The following EYA2 variants were observed in gnomAD, a reference collection of about 807,000 sequenced individuals.
EYA2 encodes protein phosphatase EYA2.
A neutral mutation model predicts 69.2 loss-of-function variants in EYA2; 31 were observed. The ratio of observed to expected loss-of-function variants is 0.45; its 90% CI spans 0.34 to 0.60. The LOEUF is 0.60. Among genes scored for constraint, EYA2 ranks in the 20% least tolerant of loss-of-function variants. EYA2 has a pLI of 0.02. For synonymous variants in EYA2, 257 were observed against 279.4 expected, an observed-to-expected ratio of 0.92 and a Z score of 0.80; for missense variants, 622 against 701.2, an observed-to-expected ratio of 0.89 and a Z score of 1.28.
chr20:47,041,884 A>G (rs1985091517), intron 5 of EYA2, among the ~76,000 whole-genome samples: 2 of 152,076 alleles, frequency 1.3e-5, no homozygotes, highest in African/African-American at 2.4e-5. Flanking sequence ...AAGTAAATTC[A>G]TTTTAAAAGC....
rs200532247 is a variant in EYA2 at position 47,172,789 on chromosome 20, G to A, written c.1120G>A (p.Val374Met). The A allele has an allele frequency of 1.4e-4, 232 of 1,614,046 alleles. No homozygotes were observed. Among genetic ancestry groups the A allele is most frequent in the Non-Finnish European group, 1.8e-4 (217 of 1,180,028 alleles). The change falls in exon 12 of 16, where the codon GTG becomes ATG. Residue 374 changes from valine to methionine, a missense_variant. Physicochemically the swap from Val to Met is conservative, Grantham distance 21 (BLOSUM62 1). Coordinates refer to ENST00000327619, the MANE Select transcript of EYA2 (RefSeq NM_005244.5). The stretch of plus-strand genomic sequence containing the variant: ...CCTGGGCTCTGGCGTGCACGGCGGC[G>A]TGGACTGGATGAGGAAGCTGGCCTT... ...LCLGSGVHGG[V>M]DWMRKLAFRY...
At chr20:47,029,968 A>T (rs891894784) in intron 5 of EYA2, among the ~76,000 whole-genome samples, 6 of 152,206 alleles carry the variant, frequency 3.9e-5, no homozygotes, top group Non-Finnish European at 8.8e-5. Context: ...TAAATATTTT[A>T]GATTTTGAGG....
chr20:46,908,903 T>C (rs1011444743), intron 1 of EYA2, among the ~76,000 whole-genome samples: 2 of 120,048 alleles, frequency 1.7e-5, no homozygotes, highest in Non-Finnish European at 1.7e-5. Flanking sequence ...TTTTTTTTTT[T>C]TTTTACCAAT....
chr20:46,991,283 G>C (rs544413743), intron 2 of EYA2, among the ~76,000 whole-genome samples: 4 of 152,328 alleles, frequency 2.6e-5, no homozygotes, highest in African/African-American at 9.6e-5. Flanking sequence ...AGGCTGCTCA[G>C]GGGGGAATCC....
chr20:46,961,258 G>A (rs1418474886), intron 1 of EYA2, among the ~76,000 whole-genome samples: 4 of 152,078 alleles, frequency 2.6e-5, no homozygotes, highest in African/African-American at 9.7e-5. Flanking sequence ...CCCAGGAGAC[G>A]GAGGTTACAG....
chr20:47,016,768 T>A (rs900362854), intron 5 of EYA2, among the ~76,000 whole-genome samples: 2 of 152,134 alleles, frequency 1.3e-5, no homozygotes, highest in Non-Finnish European at 2.9e-5. Flanking sequence ...TCTGGATGTA[T>A]TGGAGGCACA....
At chr20:47,036,791 C>T (rs1207101450) in intron 5 of EYA2, among the ~76,000 whole-genome samples, 1 of 152,142 alleles carries the variant, frequency 6.6e-6, no homozygotes, top group Non-Finnish European at 1.5e-5. Flanking sequence ...TACAGGGGTT[C>T]AGAATGTGGC....
intron 2 of EYA2, chr20:46,997,503 A>C (rs1392530360): frequency 6.6e-6 from 1 of 152,196 alleles, no homozygotes; most frequent in Non-Finnish European, 1.5e-5. Context: ...TACCCTCCCT[A>C]CTTGGCAGCC....
chr20:47,108,697 A>T (rs1259970577), intron 9 of EYA2, among the ~76,000 whole-genome samples: 1 of 151,878 alleles, frequency 6.6e-6, no homozygotes, highest in Non-Finnish European at 1.5e-5. Flanking sequence ...TCAGCCTCCC[A>T]AGTAGCTGAG....
chr20:47,087,274 T>C (rs2031926594), intron 7 of EYA2, among the ~76,000 whole-genome samples: 2 of 152,242 alleles, frequency 1.3e-5, no homozygotes, highest in African/African-American at 2.4e-5. Flanking sequence ...CAAGTCTTTT[T>C]AGACAAAGGA....
intron 1 of EYA2, among the ~76,000 whole-genome samples, chr20:46,985,556 G>C (rs1981126531): frequency 6.6e-6 from 1 of 152,206 alleles, no homozygotes; most frequent in Non-Finnish European, 1.5e-5. Flanking sequence ...TCTTTCCTTA[G>C]CAGGCTTTTC....
chr20:47,137,010 C>A (rs977645037), intron 9 of EYA2, among the ~76,000 whole-genome samples: 2 of 152,124 alleles, frequency 1.3e-5, no homozygotes, highest in Non-Finnish European at 2.9e-5. Context: ...GTTCTCTAGT[C>A]AAACAAAGAT....
chr20:47,164,721 G>A (rs1160651655), intron 10 of EYA2, among the ~76,000 whole-genome samples: 8 of 152,108 alleles, frequency 5.3e-5, no homozygotes, highest in Non-Finnish European at 1.2e-4. Context: ...TAGAGATGGT[G>A]GGAAACTGTA....
intron 10 of EYA2, among the ~76,000 whole-genome samples, chr20:47,162,162 T>C (rs942172442): frequency 6.6e-6 from 1 of 152,142 alleles, no homozygotes; most frequent in African/African-American, 2.4e-5. Context: ...ATACCCCCTT[T>C]ATAAGGACAC....
chr20:47,172,824 G>A lies in EYA2; in HGVS notation c.1155G>A (p.Arg385=), dbSNP rs1451932498. 6.2e-7 allele frequency: 1 copy of A among 1,614,036 alleles called. No homozygotes were observed. The highest frequency in any genetic ancestry group is 1.3e-5 in the African/African-American group (1 of 75,068). ...DWMRKLAFRY[R]RVKEMYNTYK... ...TGAGGAAGCTGGCCTTCCGCTACCG[G>A]CGGGTGAAGGAGATGTACAATACCT... The change falls in exon 12 of 16, where the codon CGG becomes CGA. Residue 385 remains arginine (R), a synonymous_variant. Coordinates refer to ENST00000327619, the MANE Select transcript of EYA2 (RefSeq NM_005244.5).
intron 1 of EYA2, among the ~76,000 whole-genome samples, chr20:46,898,681 G>A (rs760221877): frequency 7.9e-5 from 12 of 152,170 alleles, no homozygotes; most frequent in African/African-American, 1.4e-4. Context: ...GTCGGAGGAG[G>A]ATAAACACCC....
intron 1 of EYA2, among the ~76,000 whole-genome samples, chr20:46,905,063 C>A (rs1239236403): frequency 1.3e-5 from 2 of 151,944 alleles, no homozygotes; most frequent in Non-Finnish European, 2.9e-5. Context: ...TACAGGTATG[C>A]CTCTGAGAGT....
intron 9 of EYA2, among the ~76,000 whole-genome samples, chr20:47,139,938 G>A (rs1451286786): frequency 6.6e-6 from 1 of 152,156 alleles, no homozygotes; most frequent in Non-Finnish European, 1.5e-5. Flanking sequence ...TGCGGTATTT[G>A]CCTTCTTACA....
chr20:46,937,818 CTCAT>C (rs1198207942), intron 1 of EYA2, among the ~76,000 whole-genome samples: 6 of 152,154 alleles, frequency 3.9e-5, no homozygotes, highest in African/African-American at 1.4e-4. Context: ...AGAAAATCAA[CTCAT>C]TCATTCATTC....
Sources: gnomAD v4.1 joint callset for allele counts (sites outside exome capture counted in the v4.1 genomes callset) on GRCh38, gnomAD v4.1.1 for gene constraint, MANE v1.5 for transcripts, NCBI Gene and HGNC (gene_info 2026-07-23, HGNC 2026-07-21) for gene names.